The following NUAK1 variants were observed in gnomAD, a reference collection of about 807,000 sequenced individuals.
The protein encoded by NUAK1 is NUAK family kinase 1.
Under a neutral mutation model 56.9 loss-of-function variants are expected in NUAK1, and 26 were observed. The ratio of observed to expected loss-of-function variants is 0.46; its 90% CI spans 0.33 to 0.63. NUAK1 has a LOEUF of 0.63. Among genes scored for constraint, NUAK1 ranks in the 30% least tolerant of loss-of-function variants. NUAK1 has a pLI of 0.02. For synonymous variants in NUAK1, 337 were observed against 336.0 expected, an observed-to-expected ratio of 1.00 and a Z score of -0.03; for missense variants, 727 against 876.1, an observed-to-expected ratio of 0.83 and a Z score of 2.15.
At chr12:106,124,411 C>A (rs1408674678) in intron 1 of NUAK1, among the ~76,000 whole-genome samples, 1 of 152,150 alleles carries the variant, frequency 6.6e-6, no homozygotes, top group African/African-American at 2.4e-5. Flanking sequence ...TTCATGCATG[C>A]ATGCACATCA....
chr12:106,083,783 C>G, intron 4 of NUAK1, 81 bp downstream of exon 4: 1 of 1,241,524 alleles, frequency 8.1e-7, no homozygotes, highest in Non-Finnish European at 1.2e-6. Context: ...TATTTCCAGG[C>G]TGCGGCTTGG....
chr12:106,101,688 C>A (rs2032750127), intron 2 of NUAK1, among the ~76,000 whole-genome samples: 1 of 152,226 alleles, frequency 6.6e-6, no homozygotes, highest in African/African-American at 2.4e-5. Flanking sequence ...ACAGCCCTAA[C>A]AAACTAATAC....
chr12:106,094,467 C>T (rs2032673068), intron 2 of NUAK1, among the ~76,000 whole-genome samples: 1 of 152,192 alleles, frequency 6.6e-6, no homozygotes, highest in Non-Finnish European at 1.5e-5. Flanking sequence ...CCCTAGAAGT[C>T]AATTTCAAAC....
chr12:106,113,085 T>C (rs926879413), intron 1 of NUAK1, among the ~76,000 whole-genome samples: 37 of 152,292 alleles, frequency 2.4e-4, no homozygotes, highest in Admixed American at 2.4e-3. Flanking sequence ...CTGGGACATT[T>C]TTATCTACAG....
chr12:106,136,481 C>T (rs2033130986), intron 1 of NUAK1, among the ~76,000 whole-genome samples: 1 of 152,234 alleles, frequency 6.6e-6, no homozygotes, highest in African/African-American at 2.4e-5. Context: ...ATCCCTTTCA[C>T]TCTAACCTAG....
At chr12:106,082,906 C>T (rs1592850795) in intron 4 of NUAK1, among the ~76,000 whole-genome samples, 1 of 152,316 alleles carries the variant, frequency 6.6e-6, no homozygotes, top group Non-Finnish European at 1.5e-5. Context: ...CCACTAACGT[C>T]ACCAGCGGCC....
chr12:106,122,171 G>C (rs1217826462), intron 1 of NUAK1, among the ~76,000 whole-genome samples: 1 of 152,094 alleles, frequency 6.6e-6, no homozygotes, highest in Non-Finnish European at 1.5e-5. Flanking sequence ...GACCAACAGT[G>C]CTCATAACAT....
intron 1 of NUAK1, among the ~76,000 whole-genome samples, chr12:106,113,163 T>G (rs953315741): frequency 3.3e-5 from 5 of 152,026 alleles, no homozygotes; most frequent in Admixed American, 2.6e-4. Flanking sequence ...GAGCTAAGAA[T>G]GTCATTGCAA....
intron 4 of NUAK1, among the ~76,000 whole-genome samples, chr12:106,078,841 C>T (rs534922033): frequency 1.0e-3 from 157 of 152,314 alleles, no homozygotes; most frequent in African/African-American, 3.4e-3. Context: ...CTGGCATCCC[C>T]GCATGGCTAC....
At chr12:106,084,122 G>A (rs1390556020) in intron 3 of NUAK1, 193 bp from the exon 4 acceptor site, 4 of 593,638 alleles carry the variant, frequency 6.7e-6, no homozygotes, top group Non-Finnish European at 1.2e-5. Context: ...ACCAACCAGC[G>A]ACAGGAGAGC....
At chr12:106,073,545 G>A (rs1467484144) in intron 4 of NUAK1, among the ~76,000 whole-genome samples, 5 of 152,130 alleles carry the variant, frequency 3.3e-5, no homozygotes, top group African/African-American at 1.2e-4. Flanking sequence ...GGATCATCAT[G>A]AGAATAATAA....
At chr12:106,074,204 T>C (rs1205032151) in intron 4 of NUAK1, among the ~76,000 whole-genome samples, 1 of 152,142 alleles carries the variant, frequency 6.6e-6, no homozygotes, top group South Asian at 2.1e-4. Flanking sequence ...ACAGGCATTA[T>C]ATTTTGAAAA....
chr12:106,133,370 C>A (rs778014047), intron 1 of NUAK1, among the ~76,000 whole-genome samples: 1 of 152,126 alleles, frequency 6.6e-6, no homozygotes, highest in Admixed American at 6.5e-5. Flanking sequence ...GAAGGGTGGG[C>A]GATCACCCCA....
At position 106,080,206 on chromosome 12, in the gene NUAK1, T is replaced by C. The variant is rs1426585210; in HGVS notation, c.579+3658A>G. On this transcript the variant is annotated intron_variant, in intron 4 of 6. Transcript: ENST00000261402. Reference sequence around the variant, plus strand: ...CCTGGCCATTCAAAGCTTCTTTTCTTATCCACAGCAGCCGCGCTTCCATTG... The same window carrying C: ...CCTGGCCATTCAAAGCTTCTTTTCTCATCCACAGCAGCCGCGCTTCCATTG... Among the ~76,000 whole-genome samples, 8 of 152,208 alleles carry C rather than the reference T, an allele frequency of 5.3e-5. No individual in the cohort carries two copies. The East Asian group carries it at 1.5e-3, about 29-fold the overall frequency.
Position 106,066,781 on chromosome 12 carries a change from G to T in NUAK1, c.*21C>A. Reference sequence around the variant, plus strand: ...CCCTTCCTCCCTCGTACCCCCGCCCGCCCCTGGGCGCCCTGGAATGCTAGT... The same window carrying T: ...CCCTTCCTCCCTCGTACCCCCGCCCTCCCCTGGGCGCCCTGGAATGCTAGT... On this transcript the variant is annotated 3_prime_UTR_variant, in exon 7 of 7. Coordinates refer to ENST00000261402, the MANE Select transcript of NUAK1 (RefSeq NM_014840.3). The T allele has an allele frequency of 6.3e-7, 1 of 1,582,082 alleles. No individual in the cohort carries two copies. The highest frequency in any genetic ancestry group is 8.6e-7 in the Non-Finnish European group (1 of 1,160,122).
At chr12:106,074,923 C>T (rs1399624531) in intron 4 of NUAK1, among the ~76,000 whole-genome samples, 1 of 152,084 alleles carries the variant, frequency 6.6e-6, no homozygotes, top group Admixed American at 6.5e-5. Flanking sequence ...TGGTTGGAAG[C>T]TTTATGAAGT....
rs1385865725 is a variant in NUAK1 at position 106,112,609 on chromosome 12, C to G, written c.241-6084G>C. Among the ~76,000 whole-genome samples the G allele has an allele frequency of 4.6e-5, 7 of 152,326 alleles. No homozygotes were observed. In the East Asian group the frequency reaches 1.4e-3, roughly 29 times the overall value. ...TGGCCAACTCAGAACAACACCCCAG[C>G]AAGTTGCTGTGATGCAACGGGCCCC... On this transcript the variant is annotated intron_variant, in intron 1 of 6. Transcript: ENST00000261402.
At chr12:106,094,338 C>T (rs2032671281) in intron 2 of NUAK1, among the ~76,000 whole-genome samples, 1 of 152,208 alleles carries the variant, frequency 6.6e-6, no homozygotes, top group African/African-American at 2.4e-5. Flanking sequence ...AAGGTCAGTA[C>T]AGTCCTCACA....
intron 1 of NUAK1, among the ~76,000 whole-genome samples, chr12:106,109,636 G>T (rs1010361137): frequency 1.3e-5 from 2 of 151,846 alleles, no homozygotes; most frequent in African/African-American, 4.8e-5. Context: ...GATACACTGA[G>T]CCAGTGCACA....
Sources: allele counts gnomAD v4.1 joint callset (sites outside exome capture counted in the v4.1 genomes callset), GRCh38; gene constraint gnomAD v4.1.1; transcripts MANE v1.5; gene names NCBI Gene and HGNC (gene_info 2026-07-23, HGNC 2026-07-21).